The following CSMD2 variants were observed in gnomAD, a reference collection of about 807,000 sequenced individuals.
CSMD2 encodes CUB and Sushi multiple domains 2.
A neutral mutation model predicts 398.5 loss-of-function variants in CSMD2; 130 were observed. The observed-to-expected ratio is 0.33, with a 90% CI of 0.28 to 0.38. CSMD2 has a LOEUF of 0.38. CSMD2 is among the 10% of genes least tolerant of loss of function. The pLI is 1.00. For missense variants in CSMD2, 3,829 were observed against 4,764.9 expected (o/e 0.80, Z 5.78); for synonymous variants, 1,828 against 1,908.5 (o/e 0.96, Z 1.10).
At chr1:33,706,167 TG>T (rs1258830816) in intron 22 of CSMD2, among the ~76,000 whole-genome samples, 1 of 152,170 alleles carries the variant, frequency 6.6e-6, no homozygotes, top group East Asian at 1.9e-4. Context: ...TTTATTAAAT[TG>T]TTTTACATTT....
chr1:33,723,063 C>T (rs192858761), intron 19 of CSMD2, among the ~76,000 whole-genome samples: 1 of 152,334 alleles, frequency 6.6e-6, no homozygotes, highest in Non-Finnish European at 1.5e-5. Flanking sequence ...TGTGTGTGCA[C>T]ACACGGAGGG....
Position 34,088,426 on chromosome 1 carries a change from G to A in CSMD2, c.404+551C>T, listed in dbSNP as rs371669782. On this transcript the variant is annotated intron_variant, in intron 2 of 70. Transcript: ENST00000373381. ...CCCTCCTGTAAGCTCTTCCCCTTGG[G>A]AGTCAGCTCAGGGGTACAGGAAGCC... Among the ~76,000 whole-genome samples the A allele has an allele frequency of 2.6e-4, 39 of 152,262 alleles. No individual in the cohort carries two copies. The East Asian group carries it at 3.3e-3, about 13-fold the overall frequency.
intron 25 of CSMD2, among the ~76,000 whole-genome samples, chr1:33,691,423 AT>A (rs1645236240): frequency 6.6e-6 from 1 of 152,142 alleles, no homozygotes; most frequent in South Asian, 2.1e-4. Context: ...TGCTGACCTT[AT>A]TTTCCTCAGA....
At chr1:33,815,295 C>A (rs1378744074) in intron 9 of CSMD2, 1 of 152,170 alleles carries the variant, frequency 6.6e-6, no homozygotes, top group Non-Finnish European at 1.5e-5. Flanking sequence ...GTGAAACTCA[C>A]ATTCTTTGGC....
chr1:33,835,678 CA>C (rs1291162857), intron 6 of CSMD2, among the ~76,000 whole-genome samples: 2 of 29,798 alleles, frequency 6.7e-5, no homozygotes, highest in Non-Finnish European at 9.8e-5. Flanking sequence ...TAAAACAAAA[CA>C]AAACAAAACA....
intron 27 of CSMD2, among the ~76,000 whole-genome samples, chr1:33,656,289 G>T (rs1023552608): frequency 3.9e-5 from 6 of 152,206 alleles, no homozygotes; most frequent in Non-Finnish European, 7.3e-5. Flanking sequence ...GAGAGTTGAA[G>T]TAATTTCCCA....
Position 33,642,203 on chromosome 1 carries a change from C to T in CSMD2, c.4774+4445G>A, listed in dbSNP as rs182703299. ...CTCTACTAAAAATACAAAAACTAGC[C>T]GGGTGTGGTGATGCATGCCTGTAAT... On this transcript the variant is annotated intron_variant, in intron 29 of 70. Transcript: ENST00000373381. Among the ~76,000 whole-genome samples the T allele has an allele frequency of 8.4e-4, 127 of 152,008 alleles. 1 individual carries two copies. The highest frequency in any genetic ancestry group is 2.7e-3 in the African/African-American group (112 of 41,446).
chr1:33,781,057 T>TGGG (rs943039437), intron 12 of CSMD2, among the ~76,000 whole-genome samples: 2 of 152,188 alleles, frequency 1.3e-5, no homozygotes, highest in African/African-American at 4.8e-5. Context: ...CCACCTCTTC[T>TGGG]GGGGGCTCAG....
chr1:33,784,107 C>T (rs1653200403), intron 12 of CSMD2, among the ~76,000 whole-genome samples: 1 of 152,150 alleles, frequency 6.6e-6, no homozygotes, highest in African/African-American at 2.4e-5. Context: ...AAGTGGAGAA[C>T]AGATGTGGAA....
intron 3 of CSMD2, among the ~76,000 whole-genome samples, chr1:34,017,234 T>C (rs1429920340): frequency 2.6e-5 from 4 of 152,254 alleles, no homozygotes; most frequent in Non-Finnish European, 5.9e-5. Flanking sequence ...AACTTCTTGA[T>C]TCTTGGCTGA....
chr1:34,114,784 T>C (rs1425584276), intron 1 of CSMD2, among the ~76,000 whole-genome samples: 1 of 152,142 alleles, frequency 6.6e-6, no homozygotes, highest in Non-Finnish European at 1.5e-5. Flanking sequence ...TGACAAAGAA[T>C]TCAAAATCAT....
chr1:33,693,021 C>T lies in CSMD2; in HGVS notation c.3961G>A (p.Gly1321Arg). The change falls in exon 25 of 71, where the codon GGG (glycine) becomes AGG (arginine). Residue 1321 changes from glycine (G) to arginine (R), a missense_variant. By Grantham distance (125) the Gly-to-Arg change is moderately radical (BLOSUM62 -2). Coordinates refer to ENST00000373381, the MANE Select transcript of CSMD2 (RefSeq NM_001281956.2). ...CGGTVRGEVS[G>R]QVLSPGYPAP... ...GGATACCCGGGTGACAGCACCTGCC[C>T]CGACACCTCTCCTCTCACTGTCCCT... 1 of 1,603,572 alleles carries T rather than the reference C, an allele frequency of 6.2e-7. No homozygotes were observed. The highest frequency in any genetic ancestry group is 8.5e-7 in the Non-Finnish European group (1 of 1,175,556).
intron 10 of CSMD2, among the ~76,000 whole-genome samples, chr1:33,802,725 C>T (rs533865962): frequency 6.6e-6 from 1 of 152,324 alleles, no homozygotes; most frequent in South Asian, 2.1e-4. Context: ...ATCTTTCTCC[C>T]CCTGCTCCTC....
At chr1:33,718,362 G>A (rs1646243188) in intron 19 of CSMD2, among the ~76,000 whole-genome samples, 1 of 152,236 alleles carries the variant, frequency 6.6e-6, no homozygotes, top group Non-Finnish European at 1.5e-5. Context: ...GTGTGTAAGT[G>A]CGTGGCCATG....
intron 12 of CSMD2, among the ~76,000 whole-genome samples, chr1:33,780,584 A>G (rs555262473): frequency 3.3e-5 from 5 of 152,358 alleles, no homozygotes; most frequent in African/African-American, 1.2e-4. Flanking sequence ...GCCCCAAACT[A>G]AAGCTTACCG....
chr1:34,128,258 G>A (rs1662952054), intron 1 of CSMD2, among the ~76,000 whole-genome samples: 1 of 152,120 alleles, frequency 6.6e-6, no homozygotes, highest in African/African-American at 2.4e-5. Context: ...AAGCTTCTGA[G>A]GCTCCTCCCC....
intron 5 of CSMD2, among the ~76,000 whole-genome samples, chr1:33,905,146 A>G (rs1643010123): frequency 6.6e-6 from 1 of 152,168 alleles, no homozygotes; most frequent in Non-Finnish European, 1.5e-5. Context: ...CATGAAGCCC[A>G]GAAGACCCTT....
chr1:33,646,944 A>G, intron 28 of CSMD2, 109 bp from the exon 29 acceptor site: 1 of 1,076,030 alleles, frequency 9.3e-7, no homozygotes, highest in Non-Finnish European at 1.3e-6. Context: ...CAAGCCCACC[A>G]TCCCACTGGT....
intron 57 of CSMD2, 63 bp from the exon 58 acceptor site, chr1:33,542,959 T>C (rs955036219): frequency 1.1e-5 from 16 of 1,456,716 alleles, no homozygotes; most frequent in Admixed American, 5.5e-5. Flanking sequence ...AGGGGACTGA[T>C]AACTGCCCAG....
Sources: allele counts gnomAD v4.1 joint callset (sites outside exome capture counted in the v4.1 genomes callset), GRCh38; gene constraint gnomAD v4.1.1; transcripts MANE v1.5; gene names NCBI Gene and HGNC (gene_info 2026-07-23, HGNC 2026-07-21).